SH2D5: variants seen among roughly 807,000 people sequenced by gnomAD.
The protein encoded by SH2D5 is SH2 domain containing 5.
In SH2D5, 45 loss-of-function variants were observed where a neutral mutation model predicts 48.2. That is an observed-to-expected ratio of 0.93 (90% CI 0.73 to 1.20). The LOEUF (loss-of-function observed/expected upper bound fraction) is 1.20. Ranked by LOEUF, SH2D5 falls within the 50% of genes most tolerant of loss-of-function variation. SH2D5 has a pLI of 0.00. For missense variants in SH2D5, 538 were observed against 584.1 expected (o/e 0.92, Z 0.81); for synonymous variants, 230 against 249.8 (o/e 0.92, Z 0.75).
intron 1 of SH2D5, among the ~76,000 whole-genome samples, chr1:20,730,239 GAC>G (rs2154538723): frequency 6.9e-6 from 1 of 145,452 alleles, no homozygotes; most frequent in South Asian, 2.2e-4. Flanking sequence ...GGGCGAGAAA[GAC>G]AAAGCAAAAG....
intron 2 of SH2D5, 75 bp downstream of exon 2, chr1:20,727,883 C>T (rs1242098745): frequency 6.7e-6 from 8 of 1,199,370 alleles, no homozygotes; most frequent in Non-Finnish European, 8.4e-6. Flanking sequence ...AGGCCCGCAG[C>T]ACTTCCCAAT....
Position 20,724,510 on chromosome 1 carries a change from C to G in SH2D5, c.516G>C (p.Leu172=), listed in dbSNP as rs1241447399. The G allele has an allele frequency of 6.2e-7, 1 of 1,612,086 alleles. No individual in the cohort carries two copies. The change falls in exon 6 of 10, where the codon CTG becomes CTC. Residue 172 remains leucine (L), a synonymous_variant. Transcript: ENST00000444387. Reference sequence around the variant, plus strand: ...CCCGCACCAGGCCCCCAGAGCTGGACAGTGGCTTCAGGGGCACCTCCCCTG... The same window carrying G: ...CCCGCACCAGGCCCCCAGAGCTGGAGAGTGGCTTCAGGGGCACCTCCCCTG... The part of the protein sequence containing the change: ...GPTGEVPLKP[L]SSSGGLVREP...
intron 3 of SH2D5, 150 bp from the exon 4 acceptor site, chr1:20,727,225 T>G: frequency 1.5e-6 from 1 of 686,022 alleles, no homozygotes. Context: ...CCCCTGGCGC[T>G]GGGGAAGTGG....
chr1:20,731,919 G>A (rs2054918240), intron 1 of SH2D5, among the ~76,000 whole-genome samples: 1 of 151,978 alleles, frequency 6.6e-6, no homozygotes, highest in Non-Finnish European at 1.5e-5. Context: ...GCGGGTGACG[G>A]GCGCCCCTCA....
intron 8 of SH2D5, 89 bp downstream of exon 8, chr1:20,723,537 G>T: frequency 9.9e-7 from 1 of 1,008,380 alleles, no homozygotes; most frequent in Non-Finnish European, 1.5e-6. Context: ...GCCCGTGCAC[G>T]GGAGTGTGTG....
chr1:20,727,031 C>G lies in SH2D5; in HGVS notation c.213G>C (p.Gln71His). The part of the protein sequence containing the change: ...RRAVILKFSL[Q>H]GLKIYSGEGE... ...CCTCCCCGCTGTAGATCTTGAGACC[C>G]TGAAGGCTGAATTTCAGGATGACGG... Residue 71 changes from glutamine (Q) to histidine (H), a missense_variant, in exon 4 of 10, where the codon CAG becomes CAC. Gln to His is a conservative substitution (Grantham distance 24). Transcript: ENST00000444387. 7 of 1,612,162 alleles carry G rather than the reference C, an allele frequency of 4.3e-6. No individual in the cohort carries two copies. The highest frequency in any genetic ancestry group is 5.9e-6 in the Non-Finnish European group (7 of 1,179,098).
rs759662535 is a variant in SH2D5 at position 20,727,569 on chromosome 1, G to A, written c.122C>T (p.Thr41Ile). The change falls in exon 3 of 10, where the codon ACC becomes ATC. Residue 41 changes from threonine to isoleucine, a missense_variant. Thr to Ile is a moderately conservative substitution (Grantham distance 89). Transcript: ENST00000444387. ...VGSFPVDDLD[T>I]QESVWLVQQQ... ...CTGCACCAGCCACACGCTCTCCTGG[G>A]TGTCCAGGTCATCCACAGGGAAGGA... 1.9e-5 allele frequency: 30 copies of A among 1,610,472 alleles called. No homozygotes were observed. The highest frequency in any genetic ancestry group is 2.5e-5 in the Non-Finnish European group (29 of 1,178,938).
Position 20,724,772 on chromosome 1 carries a change from G to T in SH2D5, c.391-137C>A, listed in dbSNP as rs60940433. 1.1e-3 allele frequency: 1,295 copies of T among 1,130,470 alleles called. 12 individuals carry two copies. In the African/African-American group the frequency reaches 0.019, roughly 16 times the overall value. 70.0% of individuals were successfully genotyped at this position (1,130,470 alleles called of 1,614,324 possible). A position where few individuals can be genotyped will look rare whatever the true frequency, so the allele number is the denominator to read the frequency against. On this transcript the variant is annotated intron_variant, in intron 5 of 9. Transcript: ENST00000444387. ...GGCTCTTCCCATTCTTCCTGGGAAA[G>T]CTCCTACTTACCCTTCAAAACCTCA... is the stretch of plus-strand genomic sequence containing the variant.
rs2054925712 is a variant in SH2D5, at chr1:20,732,369, C to G, written c.-231G>C. 6.6e-6 allele frequency: 1 copy of G among 152,246 alleles called. No homozygotes were observed. The highest frequency in any genetic ancestry group is 1.5e-5 in the Non-Finnish European group (1 of 68,060). The allele number at this position is 152,246 out of a possible 1,614,324, so 9.4% of individuals were successfully genotyped here. A position where few individuals can be genotyped will look rare whatever the true frequency, so the allele number is the denominator to read the frequency against. On this transcript the variant is annotated 5_prime_UTR_variant, in exon 1 of 10. Transcript: ENST00000444387. The surrounding 1 kb of genome is among the most constrained non-coding windows in gnomAD (Gnocchi z 5.1). ...GCGCCTCACTCACGGGTCCCTCCTC[C>G]TGGAGGGCCTCTGCCCCTCCCCTCT...
intron 6 of SH2D5, 69 bp from the exon 7 acceptor site, chr1:20,724,320 C>G: frequency 6.2e-7 from 1 of 1,601,868 alleles, no homozygotes. Context: ...AGTGAAGCCC[C>G]TGCCCTGACA....
Position 20,728,677 on chromosome 1 carries a change from C to T in SH2D5, c.-42-591G>A, listed in dbSNP as rs1463897348. Among the ~76,000 whole-genome samples, 2 of 152,234 alleles carry T rather than the reference C, an allele frequency of 1.3e-5. No individual in the cohort carries two copies. Among genetic ancestry groups the T allele is most frequent in the African/African-American group, 2.4e-5 (1 of 41,462 alleles). On this transcript the variant is annotated intron_variant, in intron 1 of 9. Coordinates refer to ENST00000444387, the MANE Select transcript of SH2D5 (RefSeq NM_001103161.2). This position sits in a 1 kb window ranked among gnomAD's most constrained non-coding sequence, Gnocchi z 4.3. ...AGGCAGGCAGTGGGGGCCCGCAGGCCGACCTCAGCCCTTATCAGAAGGGCA... is the reference window on the plus strand; with the variant it reads ...AGGCAGGCAGTGGGGGCCCGCAGGCTGACCTCAGCCCTTATCAGAAGGGCA...
rs2054838687 is a variant in SH2D5, at chr1:20,728,073, C to G, written c.-29G>C. 6.7e-7 allele frequency: 1 copy of G among 1,486,376 alleles called. No individual in the cohort carries two copies. The highest frequency in any genetic ancestry group is 9.1e-7 in the Non-Finnish European group (1 of 1,097,468). The allele number at this position is 1,486,376 out of a possible 1,614,324, so 92.1% of individuals were successfully genotyped here. A position where few individuals can be genotyped will look rare whatever the true frequency, so the allele number is the denominator to read the frequency against. ...CCCCAGGGTGCCTGGCTTCCAGCTC[C>G]ACGGGAGGGGAGGCTGCAAAGGGCA... On this transcript the variant is annotated 5_prime_UTR_variant, in exon 2 of 10. Transcript: ENST00000444387. This position sits in a 1 kb window ranked among gnomAD's most constrained non-coding sequence, Gnocchi z 4.3.
chr1:20,727,916 GC>G, intron 2 of SH2D5, 41 bp downstream of exon 2: 1 of 1,436,014 alleles, frequency 7.0e-7, no homozygotes, highest in Non-Finnish European at 9.6e-7. Flanking sequence ...CTACCTGAGG[GC>G]CACCCACCAG....
intron 1 of SH2D5, among the ~76,000 whole-genome samples, chr1:20,730,365 G>A (rs1016695285): frequency 7.2e-5 from 11 of 152,156 alleles, no homozygotes; most frequent in Admixed American, 5.9e-4. Context: ...GGAGCCGTGC[G>A]GGCATCTCAC....
Position 20,724,264 on chromosome 1 carries a change from G to C in SH2D5, c.631-13C>G. On this transcript the variant is annotated splice_polypyrimidine_tract_variant and intron_variant, in intron 6 of 9. Transcript: ENST00000444387. ...CTGGCAGCTCCTTCTAGGGCACCAA[G>C]AGGGGCCCACAGGCAGGCAGACTCA... The C allele has an allele frequency of 6.2e-7, 1 of 1,611,538 alleles. No homozygotes were observed. The highest frequency in any genetic ancestry group is 8.5e-7 in the Non-Finnish European group (1 of 1,178,970).
At chr1:20,731,863 G>T (rs1048708143) in intron 1 of SH2D5, among the ~76,000 whole-genome samples, 1 of 152,204 alleles carries the variant, frequency 6.6e-6, no homozygotes, top group East Asian at 1.9e-4. Context: ...CTCCGCTGCA[G>T]GGGACGGAGG....
In SH2D5 at chr1:20,724,533, C is replaced by T. The variant is rs1179902699; in HGVS notation, c.493G>A (p.Gly165Arg). ...AQPEPCPGPT[G>R]EVPLKPLSSS... Reference sequence around the variant, plus strand: ...GACAGTGGCTTCAGGGGCACCTCCCCTGTGGGCCCTGGGCAGGGCTCTGGC... The same window carrying T: ...GACAGTGGCTTCAGGGGCACCTCCCTTGTGGGCCCTGGGCAGGGCTCTGGC... Residue 165 changes from glycine to arginine, a missense_variant, in exon 6 of 10, where the codon GGG (glycine) becomes AGG (arginine). Physicochemically the swap from Gly to Arg is moderately radical, Grantham distance 125. Transcript: ENST00000444387. The T allele has an allele frequency of 1.2e-6, 2 of 1,608,770 alleles. No homozygotes were observed. Among genetic ancestry groups the T allele is most frequent in the African/African-American group, 2.7e-5 (2 of 74,848 alleles).
intron 4 of SH2D5, 140 bp from the exon 5 acceptor site, chr1:20,726,206 G>A (rs950389476): frequency 1.8e-6 from 2 of 1,113,050 alleles, no homozygotes; most frequent in East Asian, 2.6e-5. Flanking sequence ...ATGGGCCCTG[G>A]GGCTTAAGAT....
intron 5 of SH2D5, among the ~76,000 whole-genome samples, chr1:20,725,471 C>T (rs1198247356): frequency 2.0e-5 from 3 of 152,216 alleles, no homozygotes; most frequent in African/African-American, 7.2e-5. Flanking sequence ...AGACTCGGCT[C>T]TCAAAGAACT....
Sources: gnomAD v4.1 joint callset for allele counts (sites outside exome capture counted in the v4.1 genomes callset) on GRCh38, gnomAD v4.1.1 for gene constraint, Gnocchi (gnomAD v3.1) non-coding constraint, MANE v1.5 for transcripts, NCBI Gene and HGNC (gene_info 2026-07-23, HGNC 2026-07-21) for gene names.